FRMPD1: variants seen among roughly 807,000 people sequenced by gnomAD.
The protein encoded by FRMPD1 is FERM and PDZ domain-containing protein 1.
A neutral mutation model predicts 117.8 loss-of-function variants in FRMPD1; 76 were observed. The observed-to-expected ratio is 0.65, with a 90% CI of 0.54 to 0.78. The LOEUF is 0.78. FRMPD1 is among the 30% of genes least tolerant of loss of function. FRMPD1 has a pLI of 0.00. For synonymous variants in FRMPD1, 783 were observed against 770.4 expected, an observed-to-expected ratio of 1.02 and a Z score of -0.27; for missense variants, 1,786 against 1,964.5, an observed-to-expected ratio of 0.91 and a Z score of 1.72.
At chr9:37,665,250 T>C (rs1190198694) in intron 1 of FRMPD1, among the ~76,000 whole-genome samples, 1 of 152,242 alleles carries the variant, frequency 6.6e-6, no homozygotes, top group African/African-American at 2.4e-5. Context: ...CTTATAGCTT[T>C]TAGTGGACAA....
intron 5 of FRMPD1, among the ~76,000 whole-genome samples, chr9:37,718,088 A>C (rs1232962244): frequency 3.9e-5 from 6 of 152,218 alleles, no homozygotes; most frequent in Non-Finnish European, 7.3e-5. Context: ...TGTCATGCCA[A>C]GGTTCTAGTT....
chr9:37,667,062 C>CTTTTTTTTTTTTTTTTTTTTTTT lies in FRMPD1; in HGVS notation c.-5+15984_-5+15985insTTTTTTTTTTTTTTTTTTTTTTT, dbSNP rs573955616. On this transcript the variant is annotated intron_variant, in intron 1 of 15. Coordinates refer to ENST00000377765, the MANE Select transcript of FRMPD1 (RefSeq NM_014907.3). ...GGAAAAGAGAGACAATTGAAGCATG[C>CTTTTTTTTTTTTTTTTTTTTTTT]TTTTTTTTTTTTTTTTCCTGAGACA... 2.7e-5 allele frequency among the ~76,000 whole-genome samples: 3 copies of CTTTTTTTTTTTTTTTTTTTTTTT among 111,054 alleles called. 1 individual carries two copies. The highest frequency in any genetic ancestry group is 1.2e-4 in the African/African-American group (3 of 25,290). The allele number at this position is 111,054 out of a possible 152,430, so 72.9% of individuals were successfully genotyped here.
intron 1 of FRMPD1, among the ~76,000 whole-genome samples, chr9:37,663,361 T>C (rs1169599023): frequency 6.6e-6 from 1 of 152,152 alleles, no homozygotes; most frequent in African/African-American, 2.4e-5. Context: ...GGGGATTGCA[T>C]GCCAGAGTGG....
At chr9:37,659,637 T>A (rs1318236327) in intron 1 of FRMPD1, among the ~76,000 whole-genome samples, 3 of 152,114 alleles carry the variant, frequency 2.0e-5, no homozygotes, top group African/African-American at 7.2e-5. Context: ...CCCACTAATT[T>A]AGACTGAGAT....
chr9:37,674,117 ACT>A (rs1224703110), intron 1 of FRMPD1, among the ~76,000 whole-genome samples: 3 of 152,004 alleles, frequency 2.0e-5, no homozygotes, highest in African/African-American at 4.8e-5. Context: ...GAACTTTTAT[ACT>A]CTGTTTCCCT....
At chr9:37,713,998 A>T (rs1447539241) in intron 5 of FRMPD1, among the ~76,000 whole-genome samples, 1 of 152,250 alleles carries the variant, frequency 6.6e-6, no homozygotes, top group Non-Finnish European at 1.5e-5. Context: ...TCTGTATTTG[A>T]CAAATGTTAT....
upstream of FRMPD1, among the ~76,000 whole-genome samples, chr9:37,648,240 A>T (rs1265774263): frequency 1.3e-5 from 2 of 152,092 alleles, no homozygotes; most frequent in African/African-American, 4.8e-5. Context: ...TGGGATTTGA[A>T]CCTAGGCAGT....
At chr9:37,696,073 T>TTTC (rs1822313246) in intron 2 of FRMPD1, among the ~76,000 whole-genome samples, 1 of 140,476 alleles carries the variant, frequency 7.1e-6, no homozygotes, top group Non-Finnish European at 1.6e-5. Flanking sequence ...TTTTTTTTTT[T>TTTC]TTAATATCTA....
At position 37,738,710 on chromosome 9, in the gene FRMPD1, C is replaced by T. The variant is rs1193837738; in HGVS notation, c.1550-1368C>T. On this transcript the variant is annotated intron_variant, in intron 14 of 15. Coordinates refer to ENST00000377765, the MANE Select transcript of FRMPD1 (RefSeq NM_014907.3). ...CCTCAGAGTCTGCTCAGGGAGACAA[C>T]GCAGAGTGGCAACAGGGCTGTTGTG... is the stretch of plus-strand genomic sequence containing the variant. Among the ~76,000 whole-genome samples the T allele has an allele frequency of 5.3e-5, 8 of 152,094 alleles. No homozygotes were observed. In the East Asian group the frequency reaches 5.8e-4, roughly 11 times the overall value.
intron 2 of FRMPD1, 111 bp downstream of exon 2, chr9:37,692,853 T>C: frequency 1.3e-6 from 1 of 799,342 alleles, no homozygotes; most frequent in Non-Finnish European, 2.2e-6. Context: ...GCTTGCTTTG[T>C]TCTTACACCA....
the FRMPD1 span, among the ~76,000 whole-genome samples, chr9:37,625,315 T>C: frequency 6.6e-6 from 1 of 152,206 alleles, no homozygotes; most frequent in Non-Finnish European, 1.5e-5. Flanking sequence ...AGGCCCTAAA[T>C]GAGATATTAG....
chr9:37,743,393 T>G (rs1044952599), intron 15 of FRMPD1, among the ~76,000 whole-genome samples: 4 of 152,066 alleles, frequency 2.6e-5, no homozygotes, highest in African/African-American at 7.2e-5. Context: ...GAAGTAAGAT[T>G]GTTTATAGAA....
chr9:37,670,330 A>G (rs1186185092), intron 1 of FRMPD1, among the ~76,000 whole-genome samples: 1 of 152,212 alleles, frequency 6.6e-6, no homozygotes, highest in African/African-American at 2.4e-5. Flanking sequence ...TGATAAATAC[A>G]GGAGAATCAT....
upstream of FRMPD1, among the ~76,000 whole-genome samples, chr9:37,646,693 A>G (rs183063086): frequency 1.7e-3 from 251 of 151,200 alleles, 5 homozygotes; most frequent in East Asian, 1.5e-3. Context: ...ATCATTCTGA[A>G]GAAGAACAGA....
chr9:37,720,704 T>A (rs1315274484), intron 6 of FRMPD1, among the ~76,000 whole-genome samples: 1 of 151,008 alleles, frequency 6.6e-6, no homozygotes, highest in Non-Finnish European at 1.5e-5. Flanking sequence ...CTGGCCAACG[T>A]GGTGAAACCA....
At position 37,683,830 on chromosome 9, in the gene FRMPD1, C is replaced by T. The variant is rs558592839; in HGVS notation, c.-4-8808C>T. Reference sequence around the variant, plus strand: ...GGGAACGACAGGTAATACAATTCTGCAGAGTGTTGTGTGGGGGAGATGAAG... The same window carrying T: ...GGGAACGACAGGTAATACAATTCTGTAGAGTGTTGTGTGGGGGAGATGAAG... On this transcript the variant is annotated intron_variant, in intron 1 of 15. Coordinates refer to ENST00000377765, the MANE Select transcript of FRMPD1 (RefSeq NM_014907.3). Among the ~76,000 whole-genome samples the T allele has an allele frequency of 2.8e-5, 4 of 141,184 alleles. 1 individual carries two copies. The East Asian group carries it at 9.8e-4, about 35-fold the overall frequency. The allele number at this position is 141,184 out of a possible 152,430, so 92.6% of individuals were successfully genotyped here.
In FRMPD1 at chr9:37,667,062, C is replaced by CTTTTT. The variant is rs573955616; in HGVS notation, c.-5+15980_-5+15984dup. Among the ~76,000 whole-genome samples the CTTTTT allele has an allele frequency of 1.3e-4, 14 of 111,040 alleles. 1 individual carries two copies. Among genetic ancestry groups the CTTTTT allele is most frequent in the East Asian group, 5.3e-4 (2 of 3,802 alleles). 72.8% of individuals were successfully genotyped at this position (111,040 alleles called of 152,430 possible). ...GGAAAAGAGAGACAATTGAAGCATGCTTTTTTTTTTTTTTTTCCTGAGACA... is the reference window on the plus strand; with the variant it reads ...GGAAAAGAGAGACAATTGAAGCATGCTTTTTTTTTTTTTTTTTTTTTCCTGAGACA... On this transcript the variant is annotated intron_variant, in intron 1 of 15. Coordinates refer to ENST00000377765, the MANE Select transcript of FRMPD1 (RefSeq NM_014907.3).
At chr9:37,645,195 CT>C in the FRMPD1 span, among the ~76,000 whole-genome samples, 1 of 151,836 alleles carries the variant, frequency 6.6e-6, no homozygotes, top group Non-Finnish European at 1.5e-5. Context: ...TCAAAGCTGC[CT>C]CTCAAAACAC....
Position 37,746,371 on chromosome 9 carries a change from C to T in FRMPD1, c.4339C>T (p.Pro1447Ser), listed in dbSNP as rs1824718905. The T allele has an allele frequency of 1.9e-6, 3 of 1,612,446 alleles. No individual in the cohort carries two copies. Among genetic ancestry groups the T allele is most frequent in the Non-Finnish European group, 2.5e-6 (3 of 1,179,686 alleles). Residue 1447 changes from proline to serine, a missense_variant, in exon 16 of 16, where the codon CCC becomes TCC. Coordinates refer to ENST00000377765, the MANE Select transcript of FRMPD1 (RefSeq NM_014907.3). ...ETSWGVGNKH[P>S]PEKCTWHFTE... ...TTCCTGGGGGGTTGGAAACAAACAT[C>T]CCCCAGAGAAGTGCACCTGGCACTT... is the stretch of plus-strand genomic sequence containing the variant.
Sources: gnomAD v4.1 joint callset for allele counts (sites outside exome capture counted in the v4.1 genomes callset) on GRCh38, gnomAD v4.1.1 for gene constraint, MANE v1.5 for transcripts, NCBI Gene and HGNC (gene_info 2026-07-23, HGNC 2026-07-21) for gene names.